STPG2: variants seen among roughly 807,000 people sequenced by gnomAD.
The protein encoded by STPG2 is sperm-tail PG-rich repeat-containing protein 2.
A neutral mutation model predicts 54.2 loss-of-function variants in STPG2; 56 were observed. That is an observed-to-expected ratio of 1.03 (90% CI 0.83 to 1.29). The LOEUF (loss-of-function observed/expected upper bound fraction) is 1.29, where lower values mean the gene tolerates loss of function less well. Ranked by LOEUF, STPG2 falls within the 50% of genes most tolerant of loss-of-function variation. The pLI is 0.00. For synonymous variants in STPG2, 200 were observed against 181.8 expected, an observed-to-expected ratio of 1.10 and a Z score of -0.81; for missense variants, 596 against 544.9, an observed-to-expected ratio of 1.09 and a Z score of -0.93.
chr4:97,515,956 G>A (rs6830060), intron 4 of STPG2, among the ~76,000 whole-genome samples: 79,115 of 151,806 alleles, frequency 0.52, 20,876 homozygotes, highest in South Asian at 0.64. Context: ...AGATTGTTTC[G>A]AAAAGTCACC....
Position 97,814,560 on chromosome 4 carries a change from C to T in STPG2, c.1204+26213G>A, listed in dbSNP as rs529097386. The stretch of plus-strand genomic sequence containing the variant: ...TAAATGGTCAGTGTGATGGTTAATA[C>T]TGAGTGTCAACTTGATTGGATTGAA... On this transcript the variant is annotated intron_variant, in intron 9 of 10. Transcript: ENST00000295268. Among the ~76,000 whole-genome samples the T allele has an allele frequency of 3.9e-5, 6 of 152,146 alleles. No homozygotes were observed. The East Asian group carries it at 1.2e-3, about 29-fold the overall frequency.
chr4:98,082,080 T>A (rs558669865), intron 5 of STPG2, among the ~76,000 whole-genome samples: 1 of 152,182 alleles, frequency 6.6e-6, no homozygotes, highest in Admixed American at 6.5e-5. Flanking sequence ...CTTACCAATA[T>A]ACTTCCAACC....
chr4:97,450,463 T>G (rs1729337087), intron 4 of STPG2, among the ~76,000 whole-genome samples: 1 of 152,100 alleles, frequency 6.6e-6, no homozygotes, highest in Non-Finnish European at 1.5e-5. Context: ...AAGAGGTACA[T>G]GGAGACAAAA....
At chr4:97,862,019 G>C (rs960659868) in intron 8 of STPG2, among the ~76,000 whole-genome samples, 1 of 151,944 alleles carries the variant, frequency 6.6e-6, no homozygotes, top group Non-Finnish European at 1.5e-5. Context: ...ATCAACTAAC[G>C]AGCAAAATAA....
intron 5 of STPG2, among the ~76,000 whole-genome samples, chr4:98,028,053 C>T (rs1479191583): frequency 6.6e-6 from 1 of 152,144 alleles, no homozygotes; most frequent in East Asian, 1.9e-4. Context: ...TCAGAGATGG[C>T]TGAAGGGATC....
intron 8 of STPG2, among the ~76,000 whole-genome samples, chr4:97,938,803 TG>T (rs1161157425): frequency 6.6e-6 from 1 of 152,048 alleles, no homozygotes; most frequent in Non-Finnish European, 1.5e-5. Flanking sequence ...TCAGTCCTGA[TG>T]AGAGAACCTG....
intron 10 of STPG2, among the ~76,000 whole-genome samples, chr4:97,674,208 G>A (rs1000727901): frequency 1.3e-5 from 2 of 152,096 alleles, no homozygotes; most frequent in Non-Finnish European, 2.9e-5. Context: ...TCTTTTGAGG[G>A]CAAGAGTGAG....
intron 9 of STPG2, among the ~76,000 whole-genome samples, chr4:97,796,304 G>A (rs1727174747): frequency 6.6e-6 from 1 of 152,122 alleles, no homozygotes; most frequent in South Asian, 2.1e-4. Context: ...GTATTGCCTA[G>A]GTTTTCTTCT....
intron 9 of STPG2, among the ~76,000 whole-genome samples, chr4:97,748,616 C>T (rs1038451534): frequency 6.6e-6 from 1 of 151,436 alleles, no homozygotes; most frequent in Non-Finnish European, 1.5e-5. Flanking sequence ...TTAGGTTTTG[C>T]AGACTATATG....
intron 10 of STPG2, among the ~76,000 whole-genome samples, chr4:97,692,022 A>T (rs111252994): frequency 6.6e-6 from 1 of 152,192 alleles, no homozygotes; most frequent in Non-Finnish European, 1.5e-5. Flanking sequence ...ACAAAAAGAC[A>T]ATCTGAACAG....
intron 10 of STPG2, among the ~76,000 whole-genome samples, chr4:97,681,285 G>T (rs1226941123): frequency 2.0e-5 from 3 of 151,718 alleles, no homozygotes; most frequent in Non-Finnish European, 2.9e-5. Flanking sequence ...AGGTGAAGAG[G>T]TTCATTTTAT....
At chr4:97,454,776 C>T (rs1041561445) in intron 4 of STPG2, among the ~76,000 whole-genome samples, 3 of 151,860 alleles carry the variant, frequency 2.0e-5, no homozygotes, top group African/African-American at 4.8e-5. Flanking sequence ...AAAGAAGTAT[C>T]TGAGATGATA....
rs115048754 is a variant in STPG2, at chr4:97,854,017, C to T, written c.1045-13085G>A. ...TTGTTTGTTTGTTTTTTAAAGATAA[C>T]GTCTCATCATCTTCCCCAGGCTGGT... On this transcript the variant is annotated intron_variant, in intron 8 of 10. Coordinates refer to ENST00000295268, the MANE Select transcript of STPG2 (RefSeq NM_174952.3). Among the ~76,000 whole-genome samples, 575 of 152,092 alleles carry T rather than the reference C, an allele frequency of 3.8e-3. 4 individuals carry two copies. Among genetic ancestry groups the T allele is most frequent in the African/African-American group, 0.013 (542 of 41,516 alleles).
intron 4 of STPG2, among the ~76,000 whole-genome samples, chr4:97,544,106 T>C (rs1731781423): frequency 1.3e-5 from 2 of 152,088 alleles, no homozygotes; most frequent in Admixed American, 1.3e-4. Flanking sequence ...CAAATTTAAC[T>C]AAGCAAAAAC....
intron 4 of STPG2, among the ~76,000 whole-genome samples, chr4:97,498,998 G>A (rs1730666551): frequency 6.6e-6 from 1 of 151,874 alleles, no homozygotes; most frequent in Non-Finnish European, 1.5e-5. Flanking sequence ...GGAATGATGA[G>A]TCACAAAAAT....
At chr4:98,041,861 G>A (rs1736970211) in intron 5 of STPG2, among the ~76,000 whole-genome samples, 1 of 151,848 alleles carries the variant, frequency 6.6e-6, no homozygotes, top group Admixed American at 6.6e-5. Flanking sequence ...ATGAGTTAGG[G>A]AGGATTTCCT....
At chr4:98,071,965 G>A (rs1414323799) in intron 5 of STPG2, among the ~76,000 whole-genome samples, 1 of 152,164 alleles carries the variant, frequency 6.6e-6, no homozygotes, top group African/African-American at 2.4e-5. Context: ...TGGTGGGAGT[G>A]TAAACTAGTT....
In STPG2 at chr4:97,750,558, G is replaced by A. The variant is rs200398966; in HGVS notation, c.1205-37744C>T. Among the ~76,000 whole-genome samples the A allele has an allele frequency of 5.3e-5, 8 of 151,808 alleles. No homozygotes were observed. In the East Asian group the frequency reaches 1.5e-3, roughly 29 times the overall value. ...AAATAGTGAATGTAACTGATGTTAA[G>A]GGAGGAGAGATTTCCAAGAAGGACC... is the stretch of plus-strand genomic sequence containing the variant. On this transcript the variant is annotated intron_variant, in intron 9 of 10. Transcript: ENST00000295268.
At chr4:97,691,080 G>C (rs577674402) in intron 10 of STPG2, among the ~76,000 whole-genome samples, 2 of 152,196 alleles carry the variant, frequency 1.3e-5, no homozygotes, top group African/African-American at 4.8e-5. Flanking sequence ...TGGATGGACA[G>C]AGCAGCATAT....
Sources: gnomAD v4.1 joint callset for allele counts (sites outside exome capture counted in the v4.1 genomes callset) on GRCh38, gnomAD v4.1.1 for gene constraint, MANE v1.5 for transcripts, NCBI Gene and HGNC (gene_info 2026-07-23, HGNC 2026-07-21) for gene names.